Variants in SCUBE1 observed in about 807,000 individuals in gnomAD.
SCUBE1 encodes the protein signal peptide, CUB domain and EGF like domain containing 1, also known as signal peptide, CUB and EGF-like domain-containing protein 1.
SCUBE1 carries 59 observed loss-of-function variants against 124.4 expected under a neutral mutation model. That is an observed-to-expected ratio of 0.47 (90% confidence interval 0.38 to 0.59). The LOEUF (loss-of-function observed/expected upper bound fraction) is 0.59. Ranked by LOEUF, SCUBE1 falls within the 20% of genes least tolerant of loss-of-function variation. The pLI, the probability that SCUBE1 is intolerant of heterozygous loss-of-function variation, is 0.00. For synonymous variants in SCUBE1, 545 were observed against 550.9 expected, an observed-to-expected ratio of 0.99 and a Z score of 0.15; for missense variants, 1,150 against 1,371.2, an observed-to-expected ratio of 0.84 and a Z score of 2.55.
At chr22:43,214,047 G>GGGGGGGGCC in intron 16 of SCUBE1, 43 bp downstream of exon 16, 1 of 143,440 alleles carries the variant, frequency 7.0e-6, no homozygotes, top group Non-Finnish European at 1.3e-5. Flanking sequence ...AGGAGCCCCC[G>GGGGGGGGCC]CCCACCCCCC....
chr22:43,214,051 AC>A (rs1214200154), intron 16 of SCUBE1, 38 bp downstream of exon 16: 12 of 144,998 alleles, frequency 8.3e-5, no homozygotes, highest in Middle Eastern at 2.2e-3. Flanking sequence ...GCCCCCGCCC[AC>A]CCCCCACCCC....
intron 12 of SCUBE1, among the ~76,000 whole-genome samples, chr22:43,221,821 T>C (rs1224007039): frequency 6.6e-6 from 1 of 152,196 alleles, no homozygotes; most frequent in African/African-American, 2.4e-5. Context: ...CCTAGCACTC[T>C]GGGAGGCCGA....
At chr22:43,232,029 A>T (rs2146679496) in intron 7 of SCUBE1, 154 bp from the exon 8 acceptor site, 849 of 607,798 alleles carry the variant, frequency 1.4e-3, no homozygotes, top group East Asian at 2.1e-3. Flanking sequence ...AGCTGTGCAG[A>T]GGGGTGGGGG....
intron 4 of SCUBE1, among the ~76,000 whole-genome samples, chr22:43,281,690 T>TC (rs1265177016): frequency 6.6e-6 from 1 of 152,128 alleles, no homozygotes. Context: ...CCCCTTGCTG[T>TC]CCCCATATGG....
intron 6 of SCUBE1, among the ~76,000 whole-genome samples, chr22:43,239,414 C>T (rs1429222923): frequency 6.6e-6 from 1 of 152,256 alleles, no homozygotes; most frequent in Non-Finnish European, 1.5e-5. Context: ...GGCTTGTGGC[C>T]CCGGCCAGGG....
At chr22:43,271,061 G>A (rs775058016) in intron 4 of SCUBE1, among the ~76,000 whole-genome samples, 2 of 152,150 alleles carry the variant, frequency 1.3e-5, no homozygotes, top group East Asian at 3.9e-4. Context: ...TCCTCTGCCT[G>A]GGACACGCTC....
chr22:43,335,802 GTGA>G (rs1208851824), intron 2 of SCUBE1, among the ~76,000 whole-genome samples: 18 of 138,596 alleles, frequency 1.3e-4, no homozygotes, highest in South Asian at 8.8e-4. Context: ...GATGATGATG[GTGA>G]TGATGATGAT....
At chr22:43,304,575 A>G (rs1363746449) in intron 3 of SCUBE1, among the ~76,000 whole-genome samples, 1 of 152,164 alleles carries the variant, frequency 6.6e-6, no homozygotes, top group Admixed American at 6.5e-5. Flanking sequence ...GGTGGTGAGA[A>G]GTGCGGTTGG....
At chr22:43,295,490 G>C (rs1045629550) in intron 3 of SCUBE1, among the ~76,000 whole-genome samples, 1 of 151,742 alleles carries the variant, frequency 6.6e-6, no homozygotes, top group Non-Finnish European at 1.5e-5. Flanking sequence ...CAGTGCCAGG[G>C]AGCTCACTAC....
intron 4 of SCUBE1, among the ~76,000 whole-genome samples, chr22:43,284,187 G>C (rs531674576): frequency 3.3e-5 from 5 of 152,376 alleles, no homozygotes; most frequent in African/African-American, 1.2e-4. Context: ...TTAGGCCAGA[G>C]GTCTGGGGAC....
chr22:43,205,962 T>A (rs1601791246), intron 21 of SCUBE1, among the ~76,000 whole-genome samples: 2 of 47,618 alleles, frequency 4.2e-5, no homozygotes, highest in African/African-American at 9.0e-5. Context: ...CTCACCACAC[T>A]CACCCCACCT....
Position 43,220,527 on chromosome 22 carries a change from C to T in SCUBE1, c.1610G>A (p.Gly537Asp). 1 of 1,614,122 alleles carries T rather than the reference C, an allele frequency of 6.2e-7. No homozygotes were observed. The highest frequency in any genetic ancestry group is 8.5e-7 in the Non-Finnish European group (1 of 1,180,016). ...CACCTCCTTGGATGGGGACTTGCGG[C>T]CACGGCGCCTCTTCTTGGAGGAGTC... ...KCDSSKKRRRGRKSPSKEVSH... is the reference protein window; with the variant it reads ...KCDSSKKRRRDRKSPSKEVSH... Residue 537 changes from glycine (G) to aspartate (D), a missense_variant, in exon 14 of 22, where the codon GGC (glycine) becomes GAC (aspartate). Transcript: ENST00000360835.
chr22:43,256,453 G>C (rs937343724), intron 6 of SCUBE1, among the ~76,000 whole-genome samples: 4 of 152,134 alleles, frequency 2.6e-5, no homozygotes, highest in African/African-American at 9.7e-5. Flanking sequence ...AACAGTGGGC[G>C]AAGGCAGGTG....
intron 14 of SCUBE1, among the ~76,000 whole-genome samples, chr22:43,219,001 C>A (rs978573610): frequency 6.6e-6 from 1 of 152,252 alleles, no homozygotes; most frequent in African/African-American, 2.4e-5. Flanking sequence ...GAATGCCATT[C>A]CTTGCCACCT....
chr22:43,299,044 T>G (rs1303839023), intron 3 of SCUBE1, among the ~76,000 whole-genome samples: 2 of 121,402 alleles, frequency 1.6e-5, no homozygotes, highest in Non-Finnish European at 3.5e-5. Flanking sequence ...ACAGCGAGAC[T>G]CCGTCTCAAA....
At chr22:43,290,282 T>C (rs190786704) in intron 4 of SCUBE1, among the ~76,000 whole-genome samples, 4 of 151,796 alleles carry the variant, frequency 2.6e-5, no homozygotes, top group African/African-American at 9.7e-5. Flanking sequence ...TCCAAGCACA[T>C]GTGTCCTGGC....
At chr22:43,335,132 A>C (rs973731254) in intron 2 of SCUBE1, among the ~76,000 whole-genome samples, 3 of 152,126 alleles carry the variant, frequency 2.0e-5, no homozygotes, top group Non-Finnish European at 4.4e-5. Flanking sequence ...CCATTTTTCC[A>C]TCTGTAAACC....
chr22:43,207,704 T>G, intron 20 of SCUBE1, 91 bp from the exon 21 acceptor site: 1 of 1,006,256 alleles, frequency 9.9e-7, no homozygotes, highest in Non-Finnish European at 1.6e-6. Flanking sequence ...CTCCCTCCTG[T>G]GCTCCAGCCA....
chr22:43,319,980 GCA>G lies in SCUBE1; in HGVS notation c.304_305del (p.Cys102LeufsTer2), dbSNP rs1569029367. 2 of 1,614,098 alleles carry G rather than the reference GCA, an allele frequency of 1.2e-6. No individual in the cohort carries two copies. Among genetic ancestry groups the G allele is most frequent in the Non-Finnish European group, 1.7e-6 (2 of 1,180,042 alleles). On this transcript the variant is annotated frameshift_variant, in exon 3 of 22. Coordinates refer to ENST00000360835, the MANE Select transcript of SCUBE1 (RefSeq NM_173050.5). LOFTEE classifies it high-confidence loss of function. ...CGTGTGCCAGCATGAAGCCATCAAAGCAGGTACACCTGTAGTTCCCCGGGATG... is the reference window on the plus strand; with the variant it reads ...CGTGTGCCAGCATGAAGCCATCAAAGGGTACACCTGTAGTTCCCCGGGATG... ...INIPGNYRCT[C>X]FDGFMLAHDG...
Sources: gnomAD v4.1 joint callset for allele counts (sites outside exome capture counted in the v4.1 genomes callset) on GRCh38, gnomAD v4.1.1 for gene constraint, MANE v1.5 for transcripts, NCBI Gene and HGNC (gene_info 2026-07-23, HGNC 2026-07-21) for gene names.